Variants in ERBB4 observed in about 807,000 individuals in gnomAD.
ERBB4 encodes the protein erb-b2 receptor tyrosine kinase 4.
In ERBB4, 42 loss-of-function variants were observed where a neutral mutation model predicts 158.0. The observed-to-expected ratio is 0.27, with a 90% confidence interval of 0.21 to 0.34. ERBB4 has a LOEUF of 0.34. Among genes scored for constraint, ERBB4 ranks in the 10% least tolerant of loss-of-function variants. The pLI is 1.00. For missense variants in ERBB4, 1,333 were observed against 1,624.1 expected, an observed-to-expected ratio of 0.82 and a Z score of 3.08; for synonymous variants, 583 against 558.7, an observed-to-expected ratio of 1.04 and a Z score of -0.61.
At chr2:211,468,232 G>A (rs1277129769) in intron 20 of ERBB4, among the ~76,000 whole-genome samples, 1 of 152,096 alleles carries the variant, frequency 6.6e-6, no homozygotes, top group African/African-American at 2.4e-5. Flanking sequence ...ATGCAGGCAA[G>A]GATATGCTAA....
At chr2:211,717,693 G>T (rs1300965312) in intron 7 of ERBB4, among the ~76,000 whole-genome samples, 2 of 78,264 alleles carry the variant, frequency 2.6e-5, no homozygotes. Flanking sequence ...GCTGGGCGTG[G>T]TGGATGTGCC....
intron 5 of ERBB4, among the ~76,000 whole-genome samples, chr2:211,729,837 C>G (rs916836686): frequency 1.3e-5 from 2 of 151,658 alleles, no homozygotes; most frequent in Admixed American, 6.6e-5. Flanking sequence ...ATTTAGTTTC[C>G]TTTCTAAATT....
intron 20 of ERBB4, among the ~76,000 whole-genome samples, chr2:211,553,789 A>G (rs1420277941): frequency 6.6e-6 from 1 of 152,186 alleles, no homozygotes; most frequent in Non-Finnish European, 1.5e-5. Flanking sequence ...CTGTAGGCTA[A>G]ACACAAACTA....
intron 2 of ERBB4, among the ~76,000 whole-genome samples, chr2:212,000,324 TCA>T (rs894037164): frequency 2.2e-4 from 34 of 152,006 alleles, no homozygotes; most frequent in African/African-American, 7.2e-4. Flanking sequence ...GAATTAGAAA[TCA>T]CACAGTTTTT....
chr2:212,523,519 C>G (rs112571952), intron 1 of ERBB4, among the ~76,000 whole-genome samples: 2 of 151,594 alleles, frequency 1.3e-5, no homozygotes, highest in African/African-American at 4.9e-5. Context: ...GTGTGAATAT[C>G]TAATATGAAG....
chr2:212,230,149 G>C (rs1265099305), intron 1 of ERBB4, among the ~76,000 whole-genome samples: 3 of 152,212 alleles, frequency 2.0e-5, no homozygotes, highest in Non-Finnish European at 4.4e-5. Context: ...GCTGGGTGTG[G>C]TGGTGAATGC....
chr2:211,978,878 T>G (rs1187892513), intron 2 of ERBB4, among the ~76,000 whole-genome samples: 1 of 152,202 alleles, frequency 6.6e-6, no homozygotes, highest in East Asian at 1.9e-4. Flanking sequence ...ATTTTAGACA[T>G]CAATCTGATT....
chr2:211,495,952 C>T (rs2065458256), intron 20 of ERBB4, among the ~76,000 whole-genome samples: 1 of 151,920 alleles, frequency 6.6e-6, no homozygotes, highest in Non-Finnish European at 1.5e-5. Context: ...TTTCTATGAT[C>T]AAAAATAATC....
chr2:212,498,560 G>C (rs1690709904), intron 1 of ERBB4, among the ~76,000 whole-genome samples: 1 of 151,900 alleles, frequency 6.6e-6, no homozygotes, highest in African/African-American at 2.4e-5. Flanking sequence ...CCTAGGGACA[G>C]GATTTTCATC....
At chr2:211,982,556 G>A (rs576413137) in intron 2 of ERBB4, among the ~76,000 whole-genome samples, 11 of 152,272 alleles carry the variant, frequency 7.2e-5, no homozygotes, top group South Asian at 4.1e-4. Flanking sequence ...GAGCAAGACC[G>A]CACAGCCTTG....
intron 7 of ERBB4, among the ~76,000 whole-genome samples, chr2:211,716,627 G>T (rs2073921435): frequency 6.6e-6 from 1 of 151,896 alleles, no homozygotes; most frequent in African/African-American, 2.4e-5. Context: ...AGTGAGCCGA[G>T]ATTGCGCCAC....
chr2:212,480,473 G>T (rs16848665), intron 1 of ERBB4, among the ~76,000 whole-genome samples: 5,695 of 152,292 alleles, frequency 0.037, 371 homozygotes, highest in African/African-American at 0.13. Flanking sequence ...AAACTTCTAA[G>T]GATAGCTTGA....
intron 2 of ERBB4, among the ~76,000 whole-genome samples, chr2:211,980,425 T>G (rs1279517509): frequency 1.3e-5 from 2 of 152,186 alleles, no homozygotes; most frequent in Non-Finnish European, 2.9e-5. Flanking sequence ...ATGAATCTTT[T>G]CTTGTCAAAC....
intron 3 of ERBB4, among the ~76,000 whole-genome samples, chr2:211,916,570 G>A (rs1229650738): frequency 6.6e-6 from 1 of 152,058 alleles, no homozygotes; most frequent in African/African-American, 2.4e-5. Context: ...TAGAATATGT[G>A]ATAGAAAATT....
At chr2:212,349,645 T>C (rs948257204) in intron 1 of ERBB4, among the ~76,000 whole-genome samples, 1 of 152,132 alleles carries the variant, frequency 6.6e-6, no homozygotes, top group African/African-American at 2.4e-5. Flanking sequence ...ATGCTTTTTA[T>C]TTCCTGGATG....
intron 1 of ERBB4, among the ~76,000 whole-genome samples, chr2:212,389,313 G>A (rs532626523): frequency 1.2e-4 from 19 of 152,092 alleles, no homozygotes; most frequent in African/African-American, 4.3e-4. Flanking sequence ...AACAAGTATA[G>A]ACCATATACA....
chr2:212,051,544 A>G (rs886698010), intron 2 of ERBB4, among the ~76,000 whole-genome samples: 1 of 152,306 alleles, frequency 6.6e-6, no homozygotes, highest in Admixed American at 6.5e-5. Flanking sequence ...ATTACTTCTT[A>G]CAGGAACTCA....
At chr2:212,374,029 TATATCC>T (rs1471210924) in intron 1 of ERBB4, among the ~76,000 whole-genome samples, 6,831 of 126,142 alleles carry the variant, frequency 0.054, 1,202 homozygotes, top group South Asian at 0.093. Context: ...TCCATATATA[TATATCC>T]ATATATATCC....
intron 2 of ERBB4, among the ~76,000 whole-genome samples, chr2:212,058,633 A>G (rs2077658556): frequency 6.6e-6 from 1 of 152,226 alleles, no homozygotes; most frequent in Admixed American, 6.5e-5. Flanking sequence ...AGGCTGGTTC[A>G]ACATACGCAA....
Sources: gnomAD v4.1 joint callset for allele counts (sites outside exome capture counted in the v4.1 genomes callset) on GRCh38, gnomAD v4.1.1 for gene constraint, MANE v1.5 for transcripts, NCBI Gene and HGNC (gene_info 2026-07-23, HGNC 2026-07-21) for gene names.